KCNC2: variants seen among roughly 807,000 people sequenced by gnomAD.
KCNC2 encodes potassium voltage-gated channel subfamily C member 2.
Under a neutral mutation model 44.5 loss-of-function variants are expected in KCNC2, and 21 were observed. That is an observed-to-expected ratio of 0.47 (90% CI 0.33 to 0.68). The LOEUF is 0.68. Among genes scored for constraint, KCNC2 ranks in the 30% least tolerant of loss-of-function variants. KCNC2 has a pLI of 0.01. For missense variants in KCNC2, 589 were observed against 826.2 expected, an observed-to-expected ratio of 0.71 and a Z score of 3.52; for synonymous variants, 391 against 339.1, an observed-to-expected ratio of 1.15 and a Z score of -1.68.
chr12:75,165,108 A>G (rs1238717775), intron 2 of KCNC2, among the ~76,000 whole-genome samples: 1 of 151,656 alleles, frequency 6.6e-6, no homozygotes, highest in African/African-American at 2.4e-5. Context: ...ATACCTATCC[A>G]TGAAAAATTC....
intron 2 of KCNC2, among the ~76,000 whole-genome samples, chr12:75,159,175 G>T (rs535346196): frequency 1.3e-5 from 2 of 151,698 alleles, no homozygotes; most frequent in East Asian, 3.9e-4. Flanking sequence ...TGTAGATGAC[G>T]GGCTGATGGG....
intron 2 of KCNC2, among the ~76,000 whole-genome samples, chr12:75,175,200 G>A (rs1593029186): frequency 6.6e-6 from 1 of 151,950 alleles, no homozygotes; most frequent in Admixed American, 6.6e-5. Flanking sequence ...TTAGAATGAG[G>A]TGAGAGAGGC....
chr12:75,054,269 T>C (rs1044820620), intron 2 of KCNC2, among the ~76,000 whole-genome samples: 1 of 151,972 alleles, frequency 6.6e-6, no homozygotes, highest in Non-Finnish European at 1.5e-5. Context: ...ATGTTTTTAT[T>C]TGTGAAAGCT....
At chr12:75,107,948 T>C (rs754227933) in intron 2 of KCNC2, among the ~76,000 whole-genome samples, 13 of 151,992 alleles carry the variant, frequency 8.6e-5, no homozygotes, top group South Asian at 2.1e-4. Flanking sequence ...TAAAAGACTT[T>C]TAAAAAAGAG....
intron 2 of KCNC2, among the ~76,000 whole-genome samples, chr12:75,054,531 AGAT>A (rs1428308161): frequency 6.6e-6 from 1 of 152,170 alleles, no homozygotes; most frequent in Admixed American, 6.6e-5. Context: ...TTAAATTTTA[AGAT>A]GATGCCTTTT....
intron 2 of KCNC2, among the ~76,000 whole-genome samples, chr12:75,057,979 T>C (rs1035782936): frequency 3.9e-5 from 6 of 151,974 alleles, no homozygotes; most frequent in African/African-American, 9.7e-5. Flanking sequence ...AGTCAAGGCC[T>C]ATCCATTCAC....
chr12:75,160,481 A>G (rs1370176619), intron 2 of KCNC2, among the ~76,000 whole-genome samples: 1 of 151,886 alleles, frequency 6.6e-6, no homozygotes, highest in Non-Finnish European at 1.5e-5. Context: ...ACAGCCAGTA[A>G]GTTCCCAGGC....
intron 2 of KCNC2, among the ~76,000 whole-genome samples, chr12:75,132,108 T>C (rs2137347932): frequency 6.6e-6 from 1 of 152,186 alleles, no homozygotes; most frequent in South Asian, 2.1e-4. Context: ...CACTTTAAGG[T>C]TTTGTAGTTT....
chr12:75,100,210 T>A (rs928508155), intron 2 of KCNC2, among the ~76,000 whole-genome samples: 3 of 151,918 alleles, frequency 2.0e-5, no homozygotes, highest in African/African-American at 7.3e-5. Context: ...GAAAATGGGG[T>A]TCTTCTTATT....
chr12:75,076,080 C>CACAA (rs1342702498), intron 2 of KCNC2, among the ~76,000 whole-genome samples: 1 of 149,398 alleles, frequency 6.7e-6, no homozygotes, highest in East Asian at 2.0e-4. Flanking sequence ...CACACACACA[C>CACAA]GCTTACAAAC....
At chr12:75,200,723 A>G (rs532888479) in intron 2 of KCNC2, among the ~76,000 whole-genome samples, 111 of 151,984 alleles carry the variant, frequency 7.3e-4, no homozygotes, top group African/African-American at 2.6e-3. Flanking sequence ...TAGTGAGCAC[A>G]TTAAAATATA....
rs1425196441 is a variant in KCNC2, at chr12:75,050,641, G to A, written c.1364C>T (p.Ala455Val). 1 of 1,613,248 alleles carries A rather than the reference G, an allele frequency of 6.2e-7. No homozygotes were observed. The highest frequency in any genetic ancestry group is 8.5e-7 in the Non-Finnish European group (1 of 1,179,802). The stretch of plus-strand genomic sequence containing the variant: ...CAGCACTCCAGCCAGAGCACACAGG[G>A]CTCCCACCAGCATGCCTGACCATGT... ...PQTWSGMLVG[A>V]LCALAGVLTI... Residue 455 changes from alanine (A) to valine (V), a missense_variant, in exon 3 of 5, where the codon GCC becomes GTC. Physicochemically the swap from Ala to Val is moderately conservative, Grantham distance 64. Around this residue, in one of 7 missense-constraint regions of KCNC2, gnomAD observed 67 missense variants for 237.4 expected, o/e 0.28. Coordinates refer to ENST00000549446, the MANE Select transcript of KCNC2 (RefSeq NM_139137.4).
At position 75,100,390 on chromosome 12, in the gene KCNC2, C is replaced by T. The variant is rs940705395; in HGVS notation, c.688-49073G>A. ...TCCTTATTATCTCTGTGAATCTGAC[C>T]AAATCAATTCACCACAATGGCACTT... On this transcript the variant is annotated intron_variant, in intron 2 of 4. Transcript: ENST00000549446. Among the ~76,000 whole-genome samples the T allele has an allele frequency of 2.0e-5, 3 of 151,874 alleles. No homozygotes were observed. The East Asian group carries it at 5.8e-4, about 29-fold the overall frequency.
chr12:75,152,693 G>C (rs1890488026), intron 2 of KCNC2, among the ~76,000 whole-genome samples: 1 of 151,988 alleles, frequency 6.6e-6, no homozygotes, highest in African/African-American at 2.4e-5. Flanking sequence ...AGGGTGGGAA[G>C]TAAACAGCTA....
At chr12:75,145,114 T>A (rs1404017214) in intron 2 of KCNC2, among the ~76,000 whole-genome samples, 2 of 152,172 alleles carry the variant, frequency 1.3e-5, no homozygotes, top group Non-Finnish European at 2.9e-5. Flanking sequence ...CAGTTATAAA[T>A]TCAGAACCGA....
chr12:75,155,791 A>T (rs1295835984), intron 2 of KCNC2, among the ~76,000 whole-genome samples: 2 of 151,672 alleles, frequency 1.3e-5, no homozygotes, highest in African/African-American at 4.8e-5. Flanking sequence ...AAGGTTAAGG[A>T]AGTGCAAAAT....
chr12:75,208,163 C>G (rs548228670), intron 1 of KCNC2, among the ~76,000 whole-genome samples, 161 bp from the exon 2 acceptor site: 1 of 152,224 alleles, frequency 6.6e-6, no homozygotes, highest in Admixed American at 6.5e-5. Flanking sequence ...AGCGCTGTCC[C>G]CGCCTCTTGC....
Position 75,050,728 on chromosome 12 carries a change from A to G in KCNC2, c.1277T>C (p.Ile426Thr). Residue 426 changes from isoleucine (I) to threonine (T), a missense_variant, in exon 3 of 5, where the codon ATT becomes ACT. Ile to Thr is a moderately conservative substitution (Grantham distance 89). Around this residue, in one of 7 missense-constraint regions of KCNC2, gnomAD observed 67 missense variants for 237.4 expected, o/e 0.28. Coordinates refer to ENST00000549446, the MANE Select transcript of KCNC2 (RefSeq NM_139137.4). Reference sequence around the variant, plus strand: ...GGTCACTACAGCCCACCAGAACCCAATGGGAATGTTTTTGAACTGTGTGTG... The same window carrying G: ...GGTCACTACAGCCCACCAGAACCCAGTGGGAATGTTTTTGAACTGTGTGTG... ...SEHTQFKNIP[I>T]GFWWAVVTMT... 4 of 1,613,436 alleles carry G rather than the reference A, an allele frequency of 2.5e-6. No homozygotes were observed. Among genetic ancestry groups the G allele is most frequent in the East Asian group, 2.2e-5 (1 of 44,814 alleles).
chr12:75,052,587 T>C (rs1165673100), intron 2 of KCNC2, among the ~76,000 whole-genome samples: 2 of 152,012 alleles, frequency 1.3e-5, no homozygotes, highest in East Asian at 1.9e-4. Flanking sequence ...GAGAAGGAAG[T>C]TGTCAGTCAA....
Sources: gnomAD v4.1 joint callset for allele counts (sites outside exome capture counted in the v4.1 genomes callset) on GRCh38, gnomAD v4.1.1 for gene constraint, gnomAD v4.1.1 regional missense constraint, MANE v1.5 for transcripts, NCBI Gene and HGNC (gene_info 2026-07-23, HGNC 2026-07-21) for gene names.